The following ZNF385D variants were observed in gnomAD, a reference collection of about 807,000 sequenced individuals.
The protein encoded by ZNF385D is zinc finger protein 659.
In ZNF385D, 15 loss-of-function variants were observed where a neutral mutation model predicts 35.8. That is an observed-to-expected ratio of 0.42 (90% CI 0.28 to 0.64). ZNF385D has a LOEUF of 0.64. Ranked by LOEUF, ZNF385D falls within the 30% of genes least tolerant of loss-of-function variation. ZNF385D has a pLI of 0.23. For synonymous variants in ZNF385D, 212 were observed against 186.8 expected (o/e 1.13, Z -1.10); for missense variants, 474 against 494.6 (o/e 0.96, Z 0.39).
intron 4 of ZNF385D, among the ~76,000 whole-genome samples, chr3:21,440,801 G>C (rs1701820626): frequency 6.6e-6 from 1 of 152,104 alleles, no homozygotes; most frequent in South Asian, 2.1e-4. Flanking sequence ...CATCATTCAA[G>C]TTACTTTGTA....
intron 3 of ZNF385D, among the ~76,000 whole-genome samples, chr3:21,904,327 T>G (rs1196180916): frequency 7.5e-6 from 1 of 133,574 alleles, no homozygotes; most frequent in African/African-American, 2.8e-5. Flanking sequence ...AAAAAAAGAA[T>G]TGGTAAAGCT....
chr3:22,161,853 T>C (rs886127098), intron 3 of ZNF385D, among the ~76,000 whole-genome samples: 2 of 152,190 alleles, frequency 1.3e-5, no homozygotes, highest in African/African-American at 4.8e-5. Flanking sequence ...ATGTATGGTA[T>C]AATTTTGTTG....
At chr3:21,975,301 G>T (rs568731531) in intron 3 of ZNF385D, among the ~76,000 whole-genome samples, 2 of 152,206 alleles carry the variant, frequency 1.3e-5, no homozygotes, top group African/African-American at 4.8e-5. Flanking sequence ...AATAAGCCAG[G>T]CACAGCAAGA....
At chr3:22,330,566 C>T (rs540294463) in intron 2 of ZNF385D, among the ~76,000 whole-genome samples, 93 of 152,220 alleles carry the variant, frequency 6.1e-4, no homozygotes, top group African/African-American at 2.0e-3. Flanking sequence ...TCAGGGCCCC[C>T]GTCTGCTGTG....
At chr3:21,910,707 A>G (rs981759011) in intron 3 of ZNF385D, among the ~76,000 whole-genome samples, 2 of 151,656 alleles carry the variant, frequency 1.3e-5, no homozygotes, top group South Asian at 4.2e-4. Flanking sequence ...AAAAAGTAAC[A>G]TGCATGGGCC....
chr3:21,949,587 G>A (rs1414530623), intron 3 of ZNF385D, among the ~76,000 whole-genome samples: 2 of 141,770 alleles, frequency 1.4e-5, no homozygotes, highest in East Asian at 4.1e-4. Context: ...TTTAAGTTCT[G>A]GGATACATGC....
chr3:22,205,387 A>C (rs1697080797), intron 2 of ZNF385D, among the ~76,000 whole-genome samples: 1 of 151,554 alleles, frequency 6.6e-6, no homozygotes, highest in Non-Finnish European at 1.5e-5. Flanking sequence ...TACAATCTTA[A>C]AGAAAAAAAA....
intron 3 of ZNF385D, among the ~76,000 whole-genome samples, chr3:22,027,661 C>T (rs186307159): frequency 1.3e-5 from 2 of 152,098 alleles, no homozygotes; most frequent in Admixed American, 1.3e-4. Flanking sequence ...ACCTGTCTAG[C>T]CATAAAGTGG....
At position 21,823,042 on chromosome 3, in the gene ZNF385D, T is replaced by A. The variant is rs1014636577; in HGVS notation, c.326-158014A>T. On this transcript the variant is annotated intron_variant, in intron 3 of 5. Transcript: ENST00000494108. ...AATACAAGAGAATTCAAAAATATCA[T>A]AATTTTCTATTTGTTAAGCTGCAGA... 6.6e-5 allele frequency among the ~76,000 whole-genome samples: 10 copies of A among 152,152 alleles called. No homozygotes were observed. The East Asian group carries it at 1.7e-3, about 26-fold the overall frequency.
intron 3 of ZNF385D, among the ~76,000 whole-genome samples, chr3:22,084,084 A>C (rs974534689): frequency 2.0e-5 from 3 of 152,240 alleles, no homozygotes; most frequent in East Asian, 3.9e-4. Flanking sequence ...TGAAGGAAGC[A>C]CTAAACATGG....
At chr3:21,994,507 A>G (rs118123640) in intron 3 of ZNF385D, among the ~76,000 whole-genome samples, 3 of 147,008 alleles carry the variant, frequency 2.0e-5, no homozygotes, top group African/African-American at 7.5e-5. Context: ...TATGATCACC[A>G]TTTTATATTT....
At chr3:22,278,675 T>C (rs1701558473) in intron 2 of ZNF385D, among the ~76,000 whole-genome samples, 1 of 152,132 alleles carries the variant, frequency 6.6e-6, no homozygotes, top group Non-Finnish European at 1.5e-5. Context: ...TTTCCCTCCT[T>C]GACACTCTCC....
chr3:21,801,358 GCTC>G (rs1174841447), intron 3 of ZNF385D, among the ~76,000 whole-genome samples: 1 of 152,098 alleles, frequency 6.6e-6, no homozygotes, highest in Non-Finnish European at 1.5e-5. Flanking sequence ...GGAAGTGTTA[GCTC>G]CTCTGCCATG....
At chr3:21,957,557 A>G (rs1488392007) in intron 3 of ZNF385D, among the ~76,000 whole-genome samples, 1 of 152,050 alleles carries the variant, frequency 6.6e-6, no homozygotes, top group Non-Finnish European at 1.5e-5. Context: ...TGTTTTAGCA[A>G]AACTCACATG....
chr3:21,999,139 A>G (rs895804495), intron 3 of ZNF385D, among the ~76,000 whole-genome samples: 13 of 152,210 alleles, frequency 8.5e-5, no homozygotes, highest in Non-Finnish European at 1.6e-4. Context: ...TCAGGTTCAC[A>G]GAACTGCAGC....
At chr3:22,341,963 A>C (rs1013324846) in intron 2 of ZNF385D, among the ~76,000 whole-genome samples, 8 of 152,170 alleles carry the variant, frequency 5.3e-5, no homozygotes, top group Non-Finnish European at 5.9e-5. Flanking sequence ...TTAACACTGA[A>C]AACTGTTTAA....
rs190983598 is a variant in ZNF385D, at chr3:22,177,120, G to A, written c.107-8085C>T. ...CTTGGCAAAACATGATCCCCCTGGA[G>A]TTATGCCACACAGCGTGTCTGCCAT... On this transcript the variant is annotated intron_variant, in intron 2 of 5. Coordinates refer to the ZNF385D transcript ENST00000494108. 2.8e-3 allele frequency among the ~76,000 whole-genome samples: 422 copies of A among 152,262 alleles called. 1 individual carries two copies. The highest frequency in any genetic ancestry group is 3.9e-3 in the Non-Finnish European group (267 of 68,022).
chr3:21,775,061 G>C (rs983994754), intron 3 of ZNF385D, among the ~76,000 whole-genome samples: 2 of 151,770 alleles, frequency 1.3e-5, no homozygotes, highest in African/African-American at 4.8e-5. Context: ...AACCTGAGAA[G>C]AGATGAGCAT....
chr3:21,605,244 A>C (rs73137065), intron 2 of ZNF385D, among the ~76,000 whole-genome samples: 2,242 of 152,252 alleles, frequency 0.015, 57 homozygotes, highest in African/African-American at 0.051. Context: ...GAAGACACAC[A>C]AGATATGTGA....
Sources: allele counts gnomAD v4.1 joint callset (sites outside exome capture counted in the v4.1 genomes callset), GRCh38; gene constraint gnomAD v4.1.1; transcripts MANE v1.5; gene names NCBI Gene and HGNC (gene_info 2026-07-23, HGNC 2026-07-21).